Variants in ARFGEF1 observed in about 807,000 individuals in gnomAD.
ARFGEF1 encodes the protein ARF guanine nucleotide exchange factor 1.
Under a neutral mutation model 231.0 loss-of-function variants are expected in ARFGEF1, and 42 were observed. The observed-to-expected ratio is 0.18, with a 90% CI of 0.14 to 0.24. The LOEUF (loss-of-function observed/expected upper bound fraction) is 0.24. Ranked by LOEUF, ARFGEF1 falls within the 10% of genes least tolerant of loss-of-function variation. ARFGEF1 has a pLI of 1.00. For missense variants in ARFGEF1, 1,345 were observed against 2,192.0 expected (o/e 0.61, Z 7.72); for synonymous variants, 710 against 732.3 (o/e 0.97, Z 0.49).
At chr8:67,212,767 T>G (rs1224033636) in intron 33 of ARFGEF1, among the ~76,000 whole-genome samples, 1 of 152,210 alleles carries the variant, frequency 6.6e-6, no homozygotes, top group Non-Finnish European at 1.5e-5. Context: ...AAGTGTATTT[T>G]AAGGAAGAAA....
intron 1 of ARFGEF1, among the ~76,000 whole-genome samples, chr8:67,333,814 T>C (rs1007356909): frequency 6.6e-6 from 1 of 152,046 alleles, no homozygotes; most frequent in Non-Finnish European, 1.5e-5. Context: ...CAAAACACAG[T>C]CAAAATTTTG....
intron 19 of ARFGEF1, among the ~76,000 whole-genome samples, chr8:67,249,333 G>GT (rs1217725153): frequency 1.3e-5 from 2 of 150,350 alleles, no homozygotes; most frequent in Admixed American, 6.7e-5. Flanking sequence ...GTAGGCTAAG[G>GT]TAAGTATCCT....
chr8:67,342,260 T>C (rs1261024910), intron 1 of ARFGEF1, among the ~76,000 whole-genome samples: 1 of 152,216 alleles, frequency 6.6e-6, no homozygotes, highest in Non-Finnish European at 1.5e-5. Flanking sequence ...TCTAACAATG[T>C]TCCCCCTTTA....
At position 67,201,487 on chromosome 8, in the gene ARFGEF1, C is replaced by G. The variant is rs141949495; in HGVS notation, c.5247G>C (p.Glu1749Asp). 4.6e-5 allele frequency: 74 copies of G among 1,610,036 alleles called. No individual in the cohort carries two copies. In the African/African-American group the frequency reaches 9.6e-4, roughly 21 times the overall value. The stretch of plus-strand genomic sequence containing the variant: ...CTTACTTCAAAAGCCTCTGCTGGAC[C>G]TCCTCCCAGGCACTAACGCGGCTCT... ...MDESRVSAWE[E>D]VQQRLLNVCS... The change falls in exon 37 of 39, where the codon GAG becomes GAC. Residue 1749 changes from glutamate to aspartate, a missense_variant. By Grantham distance (45) the Glu-to-Asp change is conservative (BLOSUM62 2). This residue lies in a region of ARFGEF1 where 161 missense variants were observed against 284.9 expected (regional missense o/e 0.57). Transcript: ENST00000262215.
intron 1 of ARFGEF1, among the ~76,000 whole-genome samples, chr8:67,330,596 T>C (rs958712878): frequency 2.0e-5 from 3 of 152,204 alleles, no homozygotes; most frequent in Admixed American, 2.0e-4. Flanking sequence ...AAATTTTTTC[T>C]CTAATAATTG....
At position 67,187,551 on chromosome 8, in the gene ARFGEF1, GCA is replaced by G. The variant is rs1835020053; in HGVS notation, c.561-11981_561-11980del. On this transcript the variant is annotated intron_variant, in intron 5 of 5. Coordinates refer to the ARFGEF1 transcript ENST00000518789. ...ATATTTTAAATTAGCCGATGTGGTG[GCA>G]CACACCTGAAGTCCTAGCTATTTGG... Among the ~76,000 whole-genome samples, 2 of 152,082 alleles carry G rather than the reference GCA, an allele frequency of 1.3e-5. 1 individual carries two copies. Among genetic ancestry groups the G allele is most frequent in the South Asian group, 4.1e-4 (2 of 4,832 alleles).
chr8:67,174,800 C>G (rs1831224944), downstream of ARFGEF1: 1 of 153,386 alleles, frequency 6.5e-6, no homozygotes, highest in Admixed American at 6.5e-5. Flanking sequence ...CATTCCCCCT[C>G]AAGTTCCAGC....
intron 35 of ARFGEF1, among the ~76,000 whole-genome samples, chr8:67,204,197 T>TCC (rs1182602937): frequency 6.6e-6 from 1 of 152,108 alleles, no homozygotes; most frequent in East Asian, 1.9e-4. Flanking sequence ...TCTCTCTCTC[T>TCC]CCCCATTATA....
chr8:67,280,379 T>C (rs565724592), intron 7 of ARFGEF1, among the ~76,000 whole-genome samples: 1 of 152,262 alleles, frequency 6.6e-6, no homozygotes, highest in South Asian at 2.1e-4. Context: ...ACATAACAAG[T>C]AGGCCAGGAA....
rs997776153 is a variant in ARFGEF1 at position 67,343,483 on chromosome 8, G to A, written c.-196C>T. ...CGCGGTGTCGGCGAAGGGCGTCGAG[G>A]TCCTCGCCGCCCCCAAGAAGCCGTA... On this transcript the variant is annotated 5_prime_UTR_variant, in exon 1 of 39. Transcript: ENST00000262215. 29 of 1,289,758 alleles carry A rather than the reference G, an allele frequency of 2.2e-5. No homozygotes were observed. The highest frequency in any genetic ancestry group is 4.6e-5 in the African/African-American group (3 of 65,554). The allele number at this position is 1,289,758 out of a possible 1,614,324, so 79.9% of individuals were successfully genotyped here. A position where few individuals can be genotyped will look rare whatever the true frequency, so the allele number is the denominator to read the frequency against.
chr8:67,233,006 A>C (rs190553772), intron 22 of ARFGEF1, 61 bp from the exon 23 acceptor site: 46 of 1,335,958 alleles, frequency 3.4e-5, no homozygotes, highest in Non-Finnish European at 4.1e-5. Context: ...GAATACACTT[A>C]ACAAGTTCTA....
intron 1 of ARFGEF1, among the ~76,000 whole-genome samples, chr8:67,311,574 G>C (rs1249197041): frequency 1.4e-5 from 2 of 142,922 alleles, no homozygotes; most frequent in African/African-American, 5.2e-5. Context: ...GGGGGGGTCA[G>C]CCCCCCGCCT....
chr8:67,334,521 CTTAAAAAG>C (rs1181963706), intron 1 of ARFGEF1, among the ~76,000 whole-genome samples: 3 of 152,158 alleles, frequency 2.0e-5, no homozygotes, highest in African/African-American at 7.2e-5. Context: ...TTAGCAGTTT[CTTAAAAAG>C]TTAAACATAA....
chr8:67,232,564 C>A (rs1334030091), intron 23 of ARFGEF1, among the ~76,000 whole-genome samples: 1 of 151,864 alleles, frequency 6.6e-6, no homozygotes, highest in Admixed American at 6.6e-5. Context: ...AAGTTTTCTA[C>A]GAGAAAATAA....
chr8:67,187,551 G>A (rs1344705529), intron 5 of ARFGEF1, among the ~76,000 whole-genome samples: 1 of 152,082 alleles, frequency 6.6e-6, no homozygotes, highest in African/African-American at 2.4e-5. Flanking sequence ...CGATGTGGTG[G>A]CACACACCTG....
chr8:67,180,006 CTTG>C, intron 5 of ARFGEF1: 2 of 745,672 alleles, frequency 2.7e-6, no homozygotes, highest in South Asian at 1.8e-5. Context: ...TACTGTATTC[CTTG>C]TTGTACAAGG....
At chr8:67,227,361 G>GT in intron 26 of ARFGEF1, 52 bp from the exon 27 acceptor site, 1 of 1,598,766 alleles carries the variant, frequency 6.3e-7, no homozygotes, top group Non-Finnish European at 8.5e-7. Context: ...AAACTCATCA[G>GT]TTTTTCCCCC....
chr8:67,291,843 T>C lies in ARFGEF1; in HGVS notation c.916+4A>G. On this transcript the variant is annotated splice_donor_region_variant and intron_variant, in intron 6 of 38. Coordinates refer to ENST00000262215, the MANE Select transcript of ARFGEF1 (RefSeq NM_006421.5). ...ACCCCAAACCCCCTTTTCAAGAAGATTACTTTCAGCTGCAGTTGCCTGATC... is the reference window on the plus strand; with the variant it reads ...ACCCCAAACCCCCTTTTCAAGAAGACTACTTTCAGCTGCAGTTGCCTGATC... 1 of 1,611,828 alleles carries C rather than the reference T, an allele frequency of 6.2e-7. No homozygotes were observed. Among genetic ancestry groups the C allele is most frequent in the Non-Finnish European group, 8.5e-7 (1 of 1,178,458 alleles).
intron 14 of ARFGEF1, among the ~76,000 whole-genome samples, chr8:67,265,434 G>A (rs1038142785): frequency 2.6e-5 from 4 of 152,130 alleles, no homozygotes; most frequent in Non-Finnish European, 5.9e-5. Context: ...ACAAGAGAAA[G>A]GAAGGCAGCA....
Sources: allele counts gnomAD v4.1 joint callset (sites outside exome capture counted in the v4.1 genomes callset), GRCh38; gene constraint gnomAD v4.1.1; regional missense constraint gnomAD v4.1.1; transcripts MANE v1.5; gene names NCBI Gene and HGNC (gene_info 2026-07-23, HGNC 2026-07-21).